GPRIN3: variants seen among roughly 807,000 people sequenced by gnomAD.
The protein encoded by GPRIN3 is G protein-regulated inducer of neurite outgrowth 3.
GPRIN3 carries 12 observed loss-of-function variants against 13.7 expected under a neutral mutation model. The observed-to-expected ratio is 0.87, with a 90% CI of 0.56 to 1.42. The LOEUF (loss-of-function observed/expected upper bound fraction) is 1.42. Ranked by LOEUF, GPRIN3 falls within the 40% of genes most tolerant of loss-of-function variation. The pLI, the probability that GPRIN3 is intolerant of heterozygous loss-of-function variation, is 0.00. For synonymous variants in GPRIN3, 377 were observed against 372.7 expected (o/e 1.01, Z -0.13); for missense variants, 1,009 against 958.7 (o/e 1.05, Z -0.69).
chr4:89,286,942 G>C (rs565608571), intron 1 of GPRIN3, among the ~76,000 whole-genome samples: 1 of 152,288 alleles, frequency 6.6e-6, no homozygotes, highest in South Asian at 2.1e-4. Flanking sequence ...AGTGAGCTAT[G>C]ATCATGCCTG....
intron 1 of GPRIN3, among the ~76,000 whole-genome samples, chr4:89,251,400 T>C (rs1267327538): frequency 6.6e-6 from 1 of 152,220 alleles, no homozygotes; most frequent in East Asian, 1.9e-4. Context: ...AGCTTTCTTA[T>C]GGAGGCAGTT....
At chr4:89,302,290 TAGAA>T (rs2110029135) in intron 1 of GPRIN3, among the ~76,000 whole-genome samples, 1 of 152,306 alleles carries the variant, frequency 6.6e-6, no homozygotes, top group East Asian at 1.9e-4. Flanking sequence ...ACTGGGGAAT[TAGAA>T]AGAGGAGTTC....
intron 1 of GPRIN3, among the ~76,000 whole-genome samples, chr4:89,275,402 C>T (rs530994261): frequency 3.3e-5 from 5 of 152,204 alleles, no homozygotes; most frequent in Non-Finnish European, 4.4e-5. Flanking sequence ...AGTACCCTGT[C>T]GAGAGCCAGC....
At chr4:89,284,244 G>A (rs959597609) in intron 1 of GPRIN3, among the ~76,000 whole-genome samples, 2 of 152,142 alleles carry the variant, frequency 1.3e-5, no homozygotes, top group South Asian at 2.1e-4. Context: ...GCAAATGAAC[G>A]GCATGAACAG....
At chr4:89,294,301 C>T (rs148826931) in intron 1 of GPRIN3, among the ~76,000 whole-genome samples, 1 of 152,236 alleles carries the variant, frequency 6.6e-6, no homozygotes, top group East Asian at 1.9e-4. Context: ...AATCTCAGCA[C>T]TTTGGGAGGC....
intron 1 of GPRIN3, among the ~76,000 whole-genome samples, chr4:89,297,893 T>C (rs1482591573): frequency 6.6e-6 from 1 of 152,156 alleles, no homozygotes; most frequent in Non-Finnish European, 1.5e-5. Context: ...CCTTAAGCAG[T>C]CTTAAAATAC....
intron 1 of GPRIN3, among the ~76,000 whole-genome samples, chr4:89,277,452 G>A (rs951709451): frequency 6.6e-5 from 10 of 152,088 alleles, no homozygotes; most frequent in African/African-American, 1.7e-4. Context: ...CCCTCGTTCC[G>A]CCCACCAGGT....
chr4:89,294,040 A>G lies in GPRIN3; in HGVS notation c.-124+13575T>C, dbSNP rs919739928. Among the ~76,000 whole-genome samples, 20 of 152,326 alleles carry G rather than the reference A, an allele frequency of 1.3e-4. 1 individual carries two copies. The highest frequency in any genetic ancestry group is 4.6e-4 in the African/African-American group (19 of 41,564). On this transcript the variant is annotated intron_variant, in intron 1 of 1. Transcript: ENST00000609438. ...TGTTTTGGGGATAGGGACTTGGAAT[A>G]TGCTCTTTTACACAATTCCTCTCAA...
chr4:89,271,238 A>G (rs1723941632), intron 1 of GPRIN3, among the ~76,000 whole-genome samples: 2 of 152,226 alleles, frequency 1.3e-5, no homozygotes, highest in African/African-American at 4.8e-5. Context: ...TGAAGCTCAG[A>G]AAATTTAATC....
chr4:89,303,876 AT>A (rs1259726308), intron 1 of GPRIN3, among the ~76,000 whole-genome samples: 3 of 143,012 alleles, frequency 2.1e-5, no homozygotes, highest in African/African-American at 7.9e-5. Context: ...ACACAATGAA[AT>A]TTATTTTTTT....
In GPRIN3 at chr4:89,247,678, T is replaced by C; in HGVS notation, c.*102A>G. On this transcript the variant is annotated 3_prime_UTR_variant, in exon 2 of 2. Transcript: ENST00000609438. Reference sequence around the variant, plus strand: ...CAATTTCCTATAGTGAATACTTGCTTTTTCTTCCTAGTCTTGCAGCAAAAA... The same window carrying C: ...CAATTTCCTATAGTGAATACTTGCTCTTTCTTCCTAGTCTTGCAGCAAAAA... 8.0e-7 allele frequency: 1 copy of C among 1,243,030 alleles called. No homozygotes were observed. The highest frequency in any genetic ancestry group is 1.1e-6 in the Non-Finnish European group (1 of 890,968). The allele number at this position is 1,243,030 out of a possible 1,614,324, so 77.0% of individuals were successfully genotyped here.
At chr4:89,294,681 C>T (rs2110018743) in intron 1 of GPRIN3, among the ~76,000 whole-genome samples, 1 of 152,276 alleles carries the variant, frequency 6.6e-6, no homozygotes, top group Admixed American at 6.5e-5. Context: ...TATGAGCAAA[C>T]AACCACAACC....
intron 1 of GPRIN3, among the ~76,000 whole-genome samples, chr4:89,257,691 C>T (rs1723505899): frequency 6.6e-6 from 1 of 152,146 alleles, no homozygotes; most frequent in Non-Finnish European, 1.5e-5. Context: ...GAAGAGAGAC[C>T]TCTTTTAATT....
intron 1 of GPRIN3, among the ~76,000 whole-genome samples, chr4:89,263,152 G>C (rs1292468035): frequency 6.6e-6 from 1 of 152,100 alleles, no homozygotes; most frequent in African/African-American, 2.4e-5. Context: ...TTCAGTCAAT[G>C]CTAAACACTT....
At chr4:89,288,128 A>G (rs1724473356) in intron 1 of GPRIN3, among the ~76,000 whole-genome samples, 2 of 152,170 alleles carry the variant, frequency 1.3e-5, no homozygotes, top group Non-Finnish European at 2.9e-5. Context: ...TTTTTCCCAG[A>G]GCAGTGGCAG....
At chr4:89,293,254 T>C (rs924249755) in intron 1 of GPRIN3, among the ~76,000 whole-genome samples, 1 of 152,232 alleles carries the variant, frequency 6.6e-6, no homozygotes, top group Non-Finnish European at 1.5e-5. Context: ...TCTCCTTTTA[T>C]GGGCTAGCAT....
rs1181586141 is a variant in GPRIN3 at position 89,241,461 on chromosome 4, A to C, written c.*6319T>G. 1 of 152,220 alleles carries C rather than the reference A, an allele frequency of 6.6e-6. No homozygotes were observed. Among genetic ancestry groups the C allele is most frequent in the Non-Finnish European group, 1.5e-5 (1 of 68,028 alleles). The allele number at this position is 152,220 out of a possible 1,614,324, so 9.4% of individuals were successfully genotyped here. ...ACCACGACCAGCTACAGTATTATGC[A>C]CGACATATTGTTCACACATTAGTAC... On this transcript the variant is annotated 3_prime_UTR_variant, in exon 2 of 2. Coordinates refer to ENST00000609438, the MANE Select transcript of GPRIN3 (RefSeq NM_198281.3).
At chr4:89,294,167 T>C (rs1032430934) in intron 1 of GPRIN3, among the ~76,000 whole-genome samples, 5 of 152,204 alleles carry the variant, frequency 3.3e-5, no homozygotes, top group East Asian at 1.9e-4. Flanking sequence ...TAAAGACTAC[T>C]TGAGTGAATT....
chr4:89,259,727 C>G (rs1416767225), intron 1 of GPRIN3, among the ~76,000 whole-genome samples: 1 of 152,164 alleles, frequency 6.6e-6, no homozygotes, highest in East Asian at 1.9e-4. Context: ...GTTCCAGGTT[C>G]ACATTAAAAC....
Sources: gnomAD v4.1 joint callset for allele counts (sites outside exome capture counted in the v4.1 genomes callset) on GRCh38, gnomAD v4.1.1 for gene constraint, MANE v1.5 for transcripts, NCBI Gene and HGNC (gene_info 2026-07-23, HGNC 2026-07-21) for gene names.